The following IGSF21 variants were observed in gnomAD, a reference collection of about 807,000 sequenced individuals.
The protein encoded by IGSF21 is immunoglobulin superfamily member 21.
A neutral mutation model predicts 46.8 loss-of-function variants in IGSF21; 28 were observed. The ratio of observed to expected loss-of-function variants is 0.60; its 90% CI spans 0.44 to 0.82. IGSF21 has a LOEUF of 0.82. Ranked by LOEUF, IGSF21 falls within the 40% of genes least tolerant of loss-of-function variation. IGSF21 has a pLI of 0.00. For synonymous variants in IGSF21, 284 were observed against 273.6 expected (o/e 1.04, Z -0.38); for missense variants, 624 against 665.5 (o/e 0.94, Z 0.69).
chr1:18,152,213 CT>C (rs2086527275), intron 1 of IGSF21, among the ~76,000 whole-genome samples: 1 of 152,232 alleles, frequency 6.6e-6, no homozygotes, highest in Non-Finnish European at 1.5e-5. Flanking sequence ...CACAGTGCTC[CT>C]GCCCTCCTGG....
chr1:18,256,270 T>TCTGCACTGAGACGCAA (rs2084891642), intron 2 of IGSF21, among the ~76,000 whole-genome samples: 1 of 152,204 alleles, frequency 6.6e-6, no homozygotes, highest in Non-Finnish European at 1.5e-5. Flanking sequence ...GTGAGATGCT[T>TCTGCACTGAGACGCAA]CTGCACTGAG....
At chr1:18,359,387 G>GAAAGAAAGAAAGAAAGGAAGAAAGAAAGA (rs1557659651) in intron 4 of IGSF21, among the ~76,000 whole-genome samples, 1 of 33,858 alleles carries the variant, frequency 3.0e-5, no homozygotes, top group African/African-American at 1.1e-4. Flanking sequence ...AGAAAGAAAG[G>GAAAGAAAGAAAGAAAGGAAGAAAGAAAGA]AAGGAAGGAA....
Position 18,378,349 on chromosome 1 carries a change from A to T in IGSF21, c.*23A>T, listed in dbSNP as rs112523304. ...TGAAGGCACCCGCCCCGGCCACTCC[A>T]TCAGGCACTGACATCTCCACGACCG... On this transcript the variant is annotated 3_prime_UTR_variant, in exon 10 of 10. Coordinates refer to ENST00000251296, the MANE Select transcript of IGSF21 (RefSeq NM_032880.5). The T allele has an allele frequency of 1.2e-6, 2 of 1,602,164 alleles. No individual in the cohort carries two copies. Among genetic ancestry groups the T allele is most frequent in the East Asian group, 2.2e-5 (1 of 44,834 alleles).
At chr1:18,268,378 G>T (rs1399872339) in intron 2 of IGSF21, among the ~76,000 whole-genome samples, 1 of 152,214 alleles carries the variant, frequency 6.6e-6, no homozygotes, top group East Asian at 1.9e-4. Flanking sequence ...AAGGTAGCCT[G>T]CACCATCAGC....
chr1:18,250,965 C>T (rs185132306), intron 2 of IGSF21, among the ~76,000 whole-genome samples: 1 of 152,000 alleles, frequency 6.6e-6, no homozygotes, highest in African/African-American at 2.4e-5. Context: ...ATCAGCTGGC[C>T]AGAAAAGATG....
chr1:18,332,616 AG>A (rs1484072014), intron 3 of IGSF21, among the ~76,000 whole-genome samples: 1 of 152,050 alleles, frequency 6.6e-6, no homozygotes, highest in African/African-American at 2.4e-5. Flanking sequence ...AATCATTCCC[AG>A]AGGGGAGACT....
chr1:18,356,186 A>G (rs1420000237), intron 4 of IGSF21, among the ~76,000 whole-genome samples: 1 of 152,160 alleles, frequency 6.6e-6, no homozygotes. Context: ...TTCTTCCCCA[A>G]GCAAAATATG....
intron 1 of IGSF21, among the ~76,000 whole-genome samples, chr1:18,216,750 C>G (rs1343690636): frequency 2.6e-5 from 4 of 152,046 alleles, no homozygotes; most frequent in South Asian, 4.1e-4. Flanking sequence ...TTTCGGCCAA[C>G]AAGGAGGTAG....
intron 1 of IGSF21, among the ~76,000 whole-genome samples, chr1:18,227,403 C>T (rs1173822201): frequency 6.6e-6 from 1 of 151,816 alleles, no homozygotes; most frequent in African/African-American, 2.4e-5. Flanking sequence ...GGTGGCTGAG[C>T]GACCCATATT....
chr1:18,262,758 G>T (rs2124538181), intron 2 of IGSF21, among the ~76,000 whole-genome samples: 1 of 152,266 alleles, frequency 6.6e-6, no homozygotes, highest in Admixed American at 6.5e-5. Flanking sequence ...TGGGTGCTAA[G>T]AACCAAGTCC....
At chr1:18,373,753 T>G (rs1301800919) in intron 6 of IGSF21, among the ~76,000 whole-genome samples, 1 of 152,134 alleles carries the variant, frequency 6.6e-6, no homozygotes, top group Non-Finnish European at 1.5e-5. Context: ...TTACTGGTAC[T>G]TCCTATAGCA....
At chr1:18,154,186 TG>T (rs2086547039) in intron 1 of IGSF21, among the ~76,000 whole-genome samples, 1 of 152,166 alleles carries the variant, frequency 6.6e-6, no homozygotes. Flanking sequence ...CCTGGGCTGA[TG>T]CGCTCATTTG....
intron 1 of IGSF21, among the ~76,000 whole-genome samples, chr1:18,168,791 G>A (rs1185375389): frequency 6.6e-6 from 1 of 152,232 alleles, no homozygotes; most frequent in East Asian, 1.9e-4. Flanking sequence ...GAGAGACTCA[G>A]TAACTTGTCC....
chr1:18,367,778 T>G (rs1372866781), intron 6 of IGSF21, among the ~76,000 whole-genome samples: 1 of 151,380 alleles, frequency 6.6e-6, no homozygotes, highest in Non-Finnish European at 1.5e-5. Context: ...TGCTAATTTT[T>G]TTTTTTAATA....
chr1:18,344,455 G>A (rs2085873023), intron 4 of IGSF21, among the ~76,000 whole-genome samples: 1 of 152,178 alleles, frequency 6.6e-6, no homozygotes, highest in South Asian at 2.1e-4. Flanking sequence ...TCTGAGGGCT[G>A]AGGGCAGACC....
intron 2 of IGSF21, among the ~76,000 whole-genome samples, chr1:18,250,466 T>G (rs1162802930): frequency 2.6e-5 from 4 of 152,212 alleles, no homozygotes; most frequent in African/African-American, 9.6e-5. Flanking sequence ...GTGTTCACTG[T>G]GCAGTGTGTC....
chr1:18,324,586 T>C (rs1340597238), intron 3 of IGSF21, among the ~76,000 whole-genome samples: 3 of 152,226 alleles, frequency 2.0e-5, no homozygotes, highest in African/African-American at 7.2e-5. Context: ...TTAGTTTTCT[T>C]GACTGGACAA....
chr1:18,273,678 ATT>A (rs34375924), intron 2 of IGSF21, among the ~76,000 whole-genome samples: 3 of 147,808 alleles, frequency 2.0e-5, no homozygotes, highest in Admixed American at 6.8e-5. Context: ...CCAGGTAAAG[ATT>A]TTTTTTTTTA....
chr1:18,205,589 A>C (rs2084310828), intron 1 of IGSF21, among the ~76,000 whole-genome samples: 1 of 152,148 alleles, frequency 6.6e-6, no homozygotes, highest in Non-Finnish European at 1.5e-5. Context: ...TCAGCTTTGG[A>C]AATCAAATAA....
Sources: gnomAD v4.1 joint callset for allele counts (sites outside exome capture counted in the v4.1 genomes callset) on GRCh38, gnomAD v4.1.1 for gene constraint, MANE v1.5 for transcripts, NCBI Gene and HGNC (gene_info 2026-07-23, HGNC 2026-07-21) for gene names.